The following PHACTR1 variants were observed in gnomAD, a reference collection of about 807,000 sequenced individuals.
The protein encoded by PHACTR1 is phosphatase and actin regulator 1, also known as RPEL repeat containing 1.
PHACTR1 carries 16 observed loss-of-function variants against 69.2 expected under a neutral mutation model. That is an observed-to-expected ratio of 0.23 (90% CI 0.16 to 0.35). PHACTR1 has a LOEUF of 0.35. Ranked by LOEUF, PHACTR1 falls within the 10% of genes least tolerant of loss-of-function variation. The probability of loss-of-function intolerance (pLI) is 1.00; values close to 1 mark genes in which losing one functional copy is unlikely to be tolerated. For missense variants in PHACTR1, 510 were observed against 734.7 expected (o/e 0.69, Z 3.54); for synonymous variants, 312 against 284.5 (o/e 1.10, Z -0.97).
intron 5 of PHACTR1, among the ~76,000 whole-genome samples, chr6:13,080,563 AT>A (rs1280967396): frequency 6.6e-6 from 1 of 152,222 alleles, no homozygotes; most frequent in Non-Finnish European, 1.5e-5. Context: ...AATAATTCAA[AT>A]AACCAGTGAA....
intron 4 of PHACTR1, among the ~76,000 whole-genome samples, chr6:12,757,195 A>G (rs1335703245): frequency 6.6e-6 from 1 of 152,168 alleles, no homozygotes; most frequent in Non-Finnish European, 1.5e-5. Flanking sequence ...CAGTGCGGGT[A>G]AAAGAATGAA....
intron 3 of PHACTR1, among the ~76,000 whole-genome samples, chr6:12,731,214 C>T (rs552530002): frequency 6.6e-6 from 1 of 152,110 alleles, no homozygotes; most frequent in African/African-American, 2.4e-5. Flanking sequence ...TGGGGTTTCA[C>T]CATGTTGGCC....
At chr6:13,004,951 A>G (rs1258988132) in intron 4 of PHACTR1, among the ~76,000 whole-genome samples, 1 of 151,956 alleles carries the variant, frequency 6.6e-6, no homozygotes, top group Non-Finnish European at 1.5e-5. Flanking sequence ...ATACAATACT[A>G]TATAACATTT....
chr6:13,247,776 G>A (rs1344099694), intron 10 of PHACTR1, among the ~76,000 whole-genome samples: 2 of 152,130 alleles, frequency 1.3e-5, no homozygotes, highest in Admixed American at 6.5e-5. Context: ...ATCACTTGAG[G>A]TCAGGACTTC....
At chr6:13,118,713 G>A (rs60846805) in intron 5 of PHACTR1, among the ~76,000 whole-genome samples, 53 of 152,126 alleles carry the variant, frequency 3.5e-4, no homozygotes, top group Middle Eastern at 3.4e-3. Flanking sequence ...TCCTGATCTC[G>A]TGATCTGCCT....
At chr6:12,891,046 T>TGTAAAAAAAGATTTTTGTAGGTTGCTA in intron 4 of PHACTR1, among the ~76,000 whole-genome samples, 1 of 152,344 alleles carries the variant, frequency 6.6e-6, no homozygotes, top group Middle Eastern at 3.4e-3. Flanking sequence ...AATATAAACT[T>TGTAAAAAAAGATTTTTGTAGGTTGCTA]GTAAAAAAAG....
intron 4 of PHACTR1, among the ~76,000 whole-genome samples, chr6:12,944,451 A>G (rs548109256): frequency 3.9e-5 from 6 of 152,356 alleles, no homozygotes; most frequent in South Asian, 2.1e-4. Context: ...TAATCTTTTC[A>G]TTTAAAAAAT....
intron 4 of PHACTR1, among the ~76,000 whole-genome samples, chr6:12,971,730 G>A (rs532987191): frequency 1.6e-3 from 247 of 152,284 alleles, no homozygotes; most frequent in African/African-American, 5.5e-3. Flanking sequence ...TTGCAAATAT[G>A]CTAAAAAATA....
chr6:13,235,580 A>G (rs1318487408), intron 10 of PHACTR1, among the ~76,000 whole-genome samples: 2 of 152,188 alleles, frequency 1.3e-5, no homozygotes, highest in Non-Finnish European at 2.9e-5. Flanking sequence ...TGAAACCCCC[A>G]GAAGTTGGAG....
chr6:12,891,503 C>G (rs1046613500), intron 4 of PHACTR1, among the ~76,000 whole-genome samples: 10 of 152,150 alleles, frequency 6.6e-5, no homozygotes, highest in African/African-American at 2.4e-4. Flanking sequence ...TTTGAAGATG[C>G]TATGTGACTC....
intron 6 of PHACTR1, 96 bp downstream of exon 6, chr6:13,160,380 A>T: frequency 9.3e-7 from 1 of 1,077,824 alleles, no homozygotes; most frequent in Non-Finnish European, 1.4e-6. Flanking sequence ...CTGCATCACC[A>T]GATATCAGGA....
chr6:12,967,600 A>C lies in PHACTR1; in HGVS notation c.251-85765A>C, dbSNP rs1416146460. Among the ~76,000 whole-genome samples, 4 of 152,242 alleles carry C rather than the reference A, an allele frequency of 2.6e-5. No homozygotes were observed. In the East Asian group the frequency reaches 7.7e-4, roughly 29 times the overall value. On this transcript the variant is annotated intron_variant, in intron 4 of 14. Transcript: ENST00000332995. The stretch of plus-strand genomic sequence containing the variant: ...TAACTCTTAGGTGAGTAAATCCTGC[A>C]TGTGTGTAGAGATCTGGTAGTGTAG...
chr6:13,165,746 C>A (rs777572144), intron 6 of PHACTR1, among the ~76,000 whole-genome samples: 8 of 151,780 alleles, frequency 5.3e-5, no homozygotes, highest in Non-Finnish European at 1.5e-5. Context: ...CAAACAGGGG[C>A]ATGGGCACCC....
intron 4 of PHACTR1, among the ~76,000 whole-genome samples, chr6:12,872,225 A>G (rs1782102186): frequency 6.6e-6 from 1 of 152,184 alleles, no homozygotes; most frequent in African/African-American, 2.4e-5. Context: ...TACATACTGC[A>G]ATAACTATTA....
intron 4 of PHACTR1, among the ~76,000 whole-genome samples, chr6:12,818,619 C>T (rs1775856101): frequency 6.6e-6 from 1 of 152,172 alleles, no homozygotes; most frequent in Non-Finnish European, 1.5e-5. Flanking sequence ...GCCAGTCTTC[C>T]TCATGTTCAT....
intron 7 of PHACTR1, 125 bp downstream of exon 7, chr6:13,182,811 T>C (rs563376986): frequency 2.1e-6 from 2 of 936,162 alleles, no homozygotes; most frequent in Non-Finnish European, 3.0e-6. Flanking sequence ...GATCTGGAAA[T>C]TTAGTGAAAC....
intron 8 of PHACTR1, among the ~76,000 whole-genome samples, chr6:13,218,853 A>AAAGAG (rs536881718): frequency 0.028 from 4,029 of 142,342 alleles, 112 homozygotes; most frequent in East Asian, 0.1. Flanking sequence ...GAGGAGGAGG[A>AAAGAG]AAGAGAAGAG....
intron 4 of PHACTR1, among the ~76,000 whole-genome samples, chr6:12,894,737 A>G (rs1426123927): frequency 1.3e-5 from 2 of 152,242 alleles, no homozygotes; most frequent in African/African-American, 2.4e-5. Context: ...GCTATAAGAC[A>G]TCTGAGAAAT....
intron 5 of PHACTR1, among the ~76,000 whole-genome samples, chr6:13,060,678 G>T (rs1807540621): frequency 1.3e-5 from 2 of 152,170 alleles, no homozygotes; most frequent in Admixed American, 1.3e-4. Context: ...GACTGAGTTT[G>T]TCTAGGTAAT....
Sources: allele counts gnomAD v4.1 joint callset (sites outside exome capture counted in the v4.1 genomes callset), GRCh38; gene constraint gnomAD v4.1.1; transcripts MANE v1.5; gene names NCBI Gene and HGNC (gene_info 2026-07-23, HGNC 2026-07-21).